Variants in EOGT observed in about 807,000 individuals in gnomAD.
EOGT encodes EGF domain specific O-linked N-acetylglucosamine transferase.
Under a neutral mutation model 70.5 loss-of-function variants are expected in EOGT, and 55 were observed. The observed-to-expected ratio is 0.78, with a 90% CI of 0.63 to 0.98. The LOEUF is 0.98. Among genes scored for constraint, EOGT ranks in the 50% least tolerant of loss-of-function variants. The pLI, the probability that EOGT is intolerant of heterozygous loss-of-function variation, is 0.00. For missense variants in EOGT, 703 were observed against 641.9 expected (o/e 1.10, Z -1.03); for synonymous variants, 246 against 217.1 (o/e 1.13, Z -1.17).
intron 8 of EOGT, among the ~76,000 whole-genome samples, chr3:69,002,986 C>G (rs1010688665): frequency 6.6e-5 from 10 of 152,076 alleles, no homozygotes; most frequent in Non-Finnish European, 1.5e-5. Context: ...GACATTTGAC[C>G]TTACAAATTA....
Position 69,004,369 on chromosome 3 carries a change from A to C in EOGT, c.620+9T>G, listed in dbSNP as rs776725920. The C allele has an allele frequency of 6.2e-7, 1 of 1,603,922 alleles. No individual in the cohort carries two copies. Among genetic ancestry groups the C allele is most frequent in the Non-Finnish European group, 8.5e-7 (1 of 1,172,622 alleles). On this transcript the variant is annotated intron_variant, in intron 8 of 17. Coordinates refer to ENST00000383701, the MANE Select transcript of EOGT (RefSeq NM_001278689.2). ...TATTTCCGAAACAGATACGTTAAAA[A>C]TATCTTACCATGACTGCAGAGGGCT...
At chr3:68,989,884 T>C (rs1352636690) in intron 10 of EOGT, among the ~76,000 whole-genome samples, 1 of 151,592 alleles carries the variant, frequency 6.6e-6, no homozygotes, top group Non-Finnish European at 1.5e-5. Context: ...AAGGCTGCAG[T>C]GAGCTATGAT....
intron 8 of EOGT, among the ~76,000 whole-genome samples, chr3:69,002,443 A>G (rs980665225): frequency 6.6e-6 from 1 of 152,186 alleles, no homozygotes; most frequent in Non-Finnish European, 1.5e-5. Context: ...AGCAACTACC[A>G]TGTGGAATCA....
intron 8 of EOGT, among the ~76,000 whole-genome samples, chr3:69,002,909 A>G (rs1378780134): frequency 6.6e-6 from 1 of 152,050 alleles, no homozygotes; most frequent in Admixed American, 6.6e-5. Context: ...TTCAAGTAAT[A>G]CTTCTGCCTT....
chr3:68,980,906 T>A lies in EOGT; in HGVS notation c.1215-1119A>T, dbSNP rs79306620. 9.9e-3 allele frequency among the ~76,000 whole-genome samples: 1,511 copies of A among 152,286 alleles called. 22 individuals are homozygous for A. The highest frequency in any genetic ancestry group is 0.035 in the African/African-American group (1,444 of 41,552). ...ACGAATTCATTATCATTCTTGCTTA[T>A]CTGAGAAACTACAACATATCCTTAA... On this transcript the variant is annotated intron_variant, in intron 15 of 17. Coordinates refer to ENST00000383701, the MANE Select transcript of EOGT (RefSeq NM_001278689.2).
intron 9 of EOGT, among the ~76,000 whole-genome samples, chr3:69,000,199 C>G (rs1331298998): frequency 6.6e-6 from 1 of 152,138 alleles, no homozygotes; most frequent in African/African-American, 2.4e-5. Context: ...GTACTCCAGC[C>G]TGGGCAACAG....
chr3:68,988,473 A>T, intron 12 of EOGT, 33 bp downstream of exon 12: 1 of 1,503,154 alleles, frequency 6.7e-7, no homozygotes, highest in Non-Finnish European at 8.9e-7. Context: ...TATGTCTGTA[A>T]ATATGAATGC....
intron 13 of EOGT, chr3:68,987,994 A>T (rs572963683): frequency 8.4e-5 from 34 of 403,276 alleles, no homozygotes; most frequent in Non-Finnish European, 1.3e-4. Flanking sequence ...GGCTCACTGC[A>T]GCCTCTGCCT....
In EOGT at chr3:68,998,042, C is replaced by A. The variant is rs1326181004; in HGVS notation, c.800G>T (p.Ser267Ile). Residue 267 changes from serine to isoleucine, a missense_variant, in exon 10 of 18, where the codon AGT (serine) becomes ATT (isoleucine). Coordinates refer to ENST00000383701, the MANE Select transcript of EOGT (RefSeq NM_001278689.2). ...CCACATCACGATGTACACGTCAGTA[C>A]TGAATGAGTTATTAACGTGCTGAGT... is the stretch of plus-strand genomic sequence containing the variant. ...YITQHVNNSFSTDVYIVMWDT... is the reference protein window; with the variant it reads ...YITQHVNNSFITDVYIVMWDT... 1 of 1,596,876 alleles carries A rather than the reference C, an allele frequency of 6.3e-7. No homozygotes were observed. The highest frequency in any genetic ancestry group is 1.1e-5 in the South Asian group (1 of 88,388).
intron 15 of EOGT, 39 bp from the exon 16 acceptor site, chr3:68,979,826 A>T: frequency 6.2e-7 from 1 of 1,604,262 alleles, no homozygotes; most frequent in South Asian, 1.1e-5. Context: ...GATGGGGAGA[A>T]GAGAGAAGTA....
intron 10 of EOGT, among the ~76,000 whole-genome samples, chr3:68,991,856 G>A (rs1438584864): frequency 6.6e-6 from 1 of 152,286 alleles, no homozygotes; most frequent in East Asian, 1.9e-4. Context: ...CAGAACCATG[G>A]CGGGAGGTGA....
At chr3:69,007,533 T>G (rs1403699891) in intron 6 of EOGT, among the ~76,000 whole-genome samples, 180 bp downstream of exon 6, 2 of 129,526 alleles carry the variant, frequency 1.5e-5, no homozygotes, top group Admixed American at 9.1e-5. Flanking sequence ...GCGCCTGTAA[T>G]CCAAGCTACT....
At chr3:69,009,981 G>T in intron 3 of EOGT, 121 bp from the exon 4 acceptor site, 1 of 713,746 alleles carries the variant, frequency 1.4e-6, no homozygotes, top group South Asian at 1.9e-5. Flanking sequence ...TAATTACAAA[G>T]CACTTTGCTA....
intron 15 of EOGT, among the ~76,000 whole-genome samples, chr3:68,980,794 C>T (rs1384491096): frequency 1.3e-5 from 2 of 152,240 alleles, no homozygotes; most frequent in East Asian, 1.9e-4. Context: ...CATACCCCTG[C>T]ACTGCCAGTT....
At position 69,013,321 on chromosome 3, in the gene EOGT, C is replaced by T. The variant is rs2091624011; in HGVS notation, c.-356+253G>A. On this transcript the variant is annotated intron_variant, in intron 1 of 17. Coordinates refer to ENST00000383701, the MANE Select transcript of EOGT (RefSeq NM_001278689.2). ...GAAACCTGGTCAACGCGGCTAGGGC[C>T]CGGGGCCCGCCTGCGCTCCGGGCGC... Among the ~76,000 whole-genome samples, 3 of 151,792 alleles carry T rather than the reference C, an allele frequency of 2.0e-5. No homozygotes were observed. The South Asian group carries it at 6.2e-4, about 31-fold the overall frequency.
intron 14 of EOGT, among the ~76,000 whole-genome samples, chr3:68,986,079 A>G (rs538448484): frequency 1.3e-5 from 2 of 152,274 alleles, no homozygotes; most frequent in African/African-American, 4.8e-5. Flanking sequence ...TTTTAAGGAA[A>G]TTATGAACTC....
chr3:69,009,718 T>C lies in EOGT; in HGVS notation c.129A>G (p.Pro43=). Reference sequence around the variant, plus strand: ...GCAAAAAGAAGGGAATGTGCTCCTCTGGCAAGCGGATGCTGGCATAGTTAT... The same window carrying C: ...GCAAAAAGAAGGGAATGTGCTCCTCCGGCAAGCGGATGCTGGCATAGTTAT... ...PLYNYASIRL[P]EEHIPFFLHN... is the part of the protein sequence containing the mutation. Residue 43 remains proline, a synonymous_variant, in exon 4 of 18, where the codon CCA becomes CCG. Coordinates refer to ENST00000383701, the MANE Select transcript of EOGT (RefSeq NM_001278689.2). 1 of 1,614,106 alleles carries C rather than the reference T, an allele frequency of 6.2e-7. No homozygotes were observed. Among genetic ancestry groups the C allele is most frequent in the South Asian group, 1.1e-5 (1 of 91,088 alleles).
chr3:69,001,987 C>G (rs1230046350), intron 8 of EOGT, among the ~76,000 whole-genome samples: 1 of 152,188 alleles, frequency 6.6e-6, no homozygotes, highest in East Asian at 1.9e-4. Context: ...GTCAGGAGAT[C>G]AAGACCATCC....
At chr3:68,994,902 C>G (rs1223012986) in intron 10 of EOGT, among the ~76,000 whole-genome samples, 1 of 152,152 alleles carries the variant, frequency 6.6e-6, no homozygotes, top group Non-Finnish European at 1.5e-5. Flanking sequence ...TAAGAGCAAC[C>G]CTGCTGTGCC....
Sources: gnomAD v4.1 joint callset for allele counts (sites outside exome capture counted in the v4.1 genomes callset) on GRCh38, gnomAD v4.1.1 for gene constraint, MANE v1.5 for transcripts, NCBI Gene and HGNC (gene_info 2026-07-23, HGNC 2026-07-21) for gene names.